The following DRC7 variants were observed in gnomAD, a reference collection of about 807,000 sequenced individuals.
The protein encoded by DRC7 is coiled-coil domain containing 135.
In DRC7, 80 loss-of-function variants were observed where a neutral mutation model predicts 104.4. The ratio of observed to expected loss-of-function variants is 0.77; its 90% CI spans 0.64 to 0.92. The LOEUF (loss-of-function observed/expected upper bound fraction) is 0.92. Among genes scored for constraint, DRC7 ranks in the 40% least tolerant of loss-of-function variants. DRC7 has a pLI of 0.00. For synonymous variants in DRC7, 405 were observed against 447.3 expected (o/e 0.91, Z 1.19); for missense variants, 1,034 against 1,141.1 (o/e 0.91, Z 1.35).
intron 8 of DRC7, 121 bp downstream of exon 8, chr16:57,707,799 C>A (rs748287873): frequency 1.3e-5 from 11 of 815,454 alleles, no homozygotes; most frequent in Non-Finnish European, 2.2e-5. Context: ...GGGCTTTGAA[C>A]CTTCTCCATA....
Position 57,730,985 on chromosome 16 carries a change from C to G in DRC7, c.2446C>G (p.Leu816Val). 6.2e-7 allele frequency: 1 copy of G among 1,613,626 alleles called. No individual in the cohort carries two copies. Among genetic ancestry groups the G allele is most frequent in the African/African-American group, 1.3e-5 (1 of 75,050 alleles). ...GTGGTACCAGGAGAACCAGGTGACGCTGACACCCGAGGATGAAGACCTGTA... is the reference window on the plus strand; with the variant it reads ...GTGGTACCAGGAGAACCAGGTGACGGTGACACCCGAGGATGAAGACCTGTA... ...QQWYQENQVT[L>V]TPEDEDLYLS... Residue 816 changes from leucine (L) to valine (V), a missense_variant, in exon 18 of 19, where the codon CTG becomes GTG. By Grantham distance (32) the Leu-to-Val change is conservative. Coordinates refer to ENST00000360716, the MANE Select transcript of DRC7 (RefSeq NM_001289162.2).
chr16:57,726,481 C>T (rs2048967314), intron 14 of DRC7, 198 bp downstream of exon 14: 1 of 603,890 alleles, frequency 1.7e-6, no homozygotes, highest in Non-Finnish European at 2.9e-6. Context: ...CTTCCTTTTC[C>T]ACCAAAAAAG....
intron 1 of DRC7, among the ~76,000 whole-genome samples, chr16:57,695,797 G>A (rs753228305): frequency 9.8e-5 from 15 of 152,352 alleles, no homozygotes; most frequent in South Asian, 6.2e-4. Context: ...ACAGAAAGGC[G>A]CAGACAGTGA....
Position 57,728,455 on chromosome 16 carries a change from C to T in DRC7, c.2262C>T (p.Phe754=), listed in dbSNP as rs570308972. 365 of 1,612,282 alleles carry T rather than the reference C, an allele frequency of 2.3e-4. 11 individuals carry two copies. The South Asian group carries it at 3.5e-3, about 16-fold the overall frequency. ...CCCAGCTGGACTACCTGGCCCCATT[C>T]CTGGCCCAGCTCCCGCCAGGAGAGA... ...VETQLDYLAP[F]LAQLPPGEKL... Residue 754 remains phenylalanine, a synonymous_variant, in exon 17 of 19, where the codon TTC becomes TTT. Transcript: ENST00000360716.
intron 1 of DRC7, among the ~76,000 whole-genome samples, chr16:57,695,240 AC>A (rs1437857558): frequency 3.8e-5 from 3 of 79,646 alleles, no homozygotes; most frequent in Non-Finnish European, 5.2e-5. Context: ...CCACTCCCCC[AC>A]CCCCACCATC....
rs1425879400 is a variant in DRC7, at chr16:57,698,044, T to C, written c.95T>C (p.Met32Thr). Residue 32 changes from methionine (M) to threonine (T), a missense_variant, in exon 3 of 19, where the codon ATG becomes ACG. Met to Thr is a moderately conservative substitution (Grantham distance 81, BLOSUM62 -1). Coordinates refer to ENST00000360716, the MANE Select transcript of DRC7 (RefSeq NM_001289162.2). The part of the protein sequence containing the change: ...WAEWARMEKM[M>T]RPVEVRKEEI... ...GAATGGGCGAGGATGGAGAAAATGA[T>C]GAGGCCAGTTGAGGTGCGGAAGGAG... 3 of 1,613,870 alleles carry C rather than the reference T, an allele frequency of 1.9e-6. No individual in the cohort carries two copies. The highest frequency in any genetic ancestry group is 1.7e-6 in the Non-Finnish European group (2 of 1,180,018).
intron 16 of DRC7, 41 bp downstream of exon 16, chr16:57,727,450 AC>A: frequency 3.4e-6 from 5 of 1,478,366 alleles, no homozygotes; most frequent in South Asian, 1.1e-5. Context: ...CTTTTCCTAG[AC>A]CCCCCTGGTC....
chr16:57,703,881 C>A (rs906454514), intron 6 of DRC7, among the ~76,000 whole-genome samples: 2 of 148,028 alleles, frequency 1.4e-5, no homozygotes, highest in African/African-American at 2.5e-5. Flanking sequence ...CCAGGAGAAT[C>A]GCTTGAACCT....
At position 57,708,256 on chromosome 16, in the gene DRC7, C is replaced by T. The variant is rs138835513; in HGVS notation, c.1077+578C>T. 7.7e-3 allele frequency among the ~76,000 whole-genome samples: 1,177 copies of T among 152,288 alleles called. 7 individuals carry two copies. The highest frequency in any genetic ancestry group is 0.012 in the Non-Finnish European group (787 of 68,014). ...ATTAGAAGCCCCCTCATGTCTCCTC[C>T]TGGCCACCAACCCTACCATCGTCCC... On this transcript the variant is annotated intron_variant, in intron 8 of 18. Transcript: ENST00000360716.
Position 57,707,587 on chromosome 16 carries a change from G to A in DRC7, c.986G>A (p.Ser329Asn), listed in dbSNP as rs1380668543. ...FIDPFTGHSY[S>N]TQDEHFLGIE... ...GACCCATTCACAGGACATAGCTACA[G>A]CACCCAGGATGAGCACTTCCTGGGC... Residue 329 changes from serine (S) to asparagine (N), a missense_variant, in exon 8 of 19, where the codon AGC becomes AAC. Coordinates refer to ENST00000360716, the MANE Select transcript of DRC7 (RefSeq NM_001289162.2). 3 of 1,613,630 alleles carry A rather than the reference G, an allele frequency of 1.9e-6. No individual in the cohort carries two copies. Among genetic ancestry groups the A allele is most frequent in the Non-Finnish European group, 1.7e-6 (2 of 1,180,026 alleles).
intron 8 of DRC7, chr16:57,714,013 GT>G: frequency 4.8e-6 from 1 of 207,332 alleles, no homozygotes. Flanking sequence ...CCATGGTCAA[GT>G]TTTGCAGTAG....
chr16:57,709,534 T>G (rs1225016423), intron 8 of DRC7, among the ~76,000 whole-genome samples: 2 of 152,242 alleles, frequency 1.3e-5, no homozygotes, highest in Non-Finnish European at 2.9e-5. Context: ...GCAGGTTTTT[T>G]TTTAATCAAA....
At position 57,699,176 on chromosome 16, in the gene DRC7, G is replaced by A. The variant is rs1251857762; in HGVS notation, c.378+152G>A. 10 of 917,208 alleles carry A rather than the reference G, an allele frequency of 1.1e-5. No individual in the cohort carries two copies. In the African/African-American group the frequency reaches 1.2e-4, roughly 11 times the overall value. 56.8% of individuals were successfully genotyped at this position (917,208 alleles called of 1,614,324 possible). On this transcript the variant is annotated intron_variant, in intron 4 of 18. Coordinates refer to ENST00000360716, the MANE Select transcript of DRC7 (RefSeq NM_001289162.2). ...TCTAGTCTGGGGGCAACATAAAGTC[G>A]AACGCCAGCAGGCCTCAGCAGGCTC...
Position 57,726,146 on chromosome 16 carries a change from G to C in DRC7, c.1837G>C (p.Glu613Gln). The stretch of plus-strand genomic sequence containing the variant: ...GGCAGAGCGCGTGTTTCTGGTCGCG[G>C]AGGAGCGCATCCAGCTGCGCTACCA... ...DVAERVFLVA[E>Q]ERIQLRYHCR... is the part of the protein sequence containing the mutation. The change falls in exon 14 of 19, where the codon GAG (glutamate) becomes CAG (glutamine). Residue 613 changes from glutamate (E) to glutamine (Q), a missense_variant. Physicochemically the swap from Glu to Gln is conservative, Grantham distance 29 (BLOSUM62 2). Coordinates refer to ENST00000360716, the MANE Select transcript of DRC7 (RefSeq NM_001289162.2). 6.2e-7 allele frequency: 1 copy of C among 1,613,186 alleles called. No individual in the cohort carries two copies.
At chr16:57,702,243 C>G in intron 6 of DRC7, 113 bp downstream of exon 6, 1 of 1,057,736 alleles carries the variant, frequency 9.5e-7, no homozygotes, top group East Asian at 2.6e-5. Context: ...CCTGGCCACG[C>G]GGACACAGAT....
intron 1 of DRC7, among the ~76,000 whole-genome samples, chr16:57,696,019 G>A (rs572036861): frequency 2.7e-4 from 41 of 152,310 alleles, no homozygotes; most frequent in African/African-American, 9.6e-4. Context: ...AGAAAATCAA[G>A]GGGATTCTGC....
At chr16:57,710,858 A>G (rs1193146763) in intron 8 of DRC7, among the ~76,000 whole-genome samples, 4 of 152,152 alleles carry the variant, frequency 2.6e-5, no homozygotes, top group African/African-American at 9.7e-5. Context: ...GTGATGGTTA[A>G]ATCTTTTATA....
In DRC7 at chr16:57,730,658, C is replaced by G. The variant is rs113711790; in HGVS notation, c.2392-273C>G. Among the ~76,000 whole-genome samples the G allele has an allele frequency of 5.0e-4, 76 of 151,700 alleles. 3 individuals carry two copies. The highest frequency in any genetic ancestry group is 1.8e-3 in the African/African-American group (74 of 41,104). On this transcript the variant is annotated intron_variant, in intron 17 of 18. Transcript: ENST00000360716. Reference sequence around the variant, plus strand: ...AAGAAATTGCAGGTTCTGAAAATGCCAGTAACTTGTCCAGAGCTACATGGC... The same window carrying G: ...AAGAAATTGCAGGTTCTGAAAATGCGAGTAACTTGTCCAGAGCTACATGGC...
At chr16:57,728,895 T>C (rs976586799) in intron 17 of DRC7, among the ~76,000 whole-genome samples, 10 of 150,246 alleles carry the variant, frequency 6.7e-5, no homozygotes, top group Non-Finnish European at 1.0e-4. Context: ...GGTGGGTGGA[T>C]TGATGGGTAG....
Sources: gnomAD v4.1 joint callset for allele counts (sites outside exome capture counted in the v4.1 genomes callset) on GRCh38, gnomAD v4.1.1 for gene constraint, MANE v1.5 for transcripts, NCBI Gene and HGNC (gene_info 2026-07-23, HGNC 2026-07-21) for gene names.